Variants in NRDE2 observed in about 807,000 individuals in gnomAD.
The protein encoded by NRDE2 is NRDE-2, necessary for RNA interference, domain containing.
NRDE2 carries 76 observed loss-of-function variants against 124.2 expected under a neutral mutation model. That is an observed-to-expected ratio of 0.61 (90% CI 0.51 to 0.74). NRDE2 has a LOEUF of 0.74. NRDE2 is among the 30% of genes least tolerant of loss of function. The pLI is 0.00. For missense variants in NRDE2, 1,314 were observed against 1,417.3 expected, an observed-to-expected ratio of 0.93 and a Z score of 1.17; for synonymous variants, 489 against 528.1, an observed-to-expected ratio of 0.93 and a Z score of 1.01.
chr14:90,315,510 A>T (rs1749689936), intron 3 of NRDE2, among the ~76,000 whole-genome samples: 1 of 152,190 alleles, frequency 6.6e-6, no homozygotes, highest in Admixed American at 6.5e-5. Context: ...TAAATGAGCA[A>T]TAATTCAGGT....
At chr14:90,295,084 C>G (rs952983392) in intron 8 of NRDE2, among the ~76,000 whole-genome samples, 2 of 152,118 alleles carry the variant, frequency 1.3e-5, no homozygotes, top group Non-Finnish European at 2.9e-5. Flanking sequence ...TAGAAACACA[C>G]ACACCAATGA....
In NRDE2 at chr14:90,288,392, G is replaced by T. The variant is rs751606683; in HGVS notation, c.2983C>A (p.Pro995Thr). Residue 995 changes from proline to threonine, a missense_variant, in exon 11 of 14, where the codon CCA becomes ACA. Pro to Thr is a conservative substitution (Grantham distance 38). Coordinates refer to ENST00000354366, the MANE Select transcript of NRDE2 (RefSeq NM_017970.4). ...EALSQALKLY[P>T]GNQVLWRSYV... ...GACCTCCAAAGAACCTGGTTGCCTG[G>T]ATACAACTTTAAAGCCTGTGAGAGT... is the stretch of plus-strand genomic sequence containing the variant. 6.8e-6 allele frequency: 11 copies of T among 1,614,142 alleles called. 1 individual carries two copies. The South Asian group carries it at 1.1e-4, about 16-fold the overall frequency.
chr14:90,317,866 T>C (rs756491127), intron 2 of NRDE2, 139 bp downstream of exon 2: 63 of 562,996 alleles, frequency 1.1e-4, no homozygotes, highest in Non-Finnish European at 1.9e-4. Flanking sequence ...TAAGGGAAAA[T>C]AGTCAAAGAT....
chr14:90,315,856 C>T (rs1465764826), intron 3 of NRDE2, among the ~76,000 whole-genome samples: 1 of 149,126 alleles, frequency 6.7e-6, no homozygotes, highest in Non-Finnish European at 1.5e-5. Flanking sequence ...ACTCGGGAGG[C>T]TGAGGCAGGA....
chr14:90,316,042 A>G (rs150888908), intron 3 of NRDE2, among the ~76,000 whole-genome samples: 8 of 152,010 alleles, frequency 5.3e-5, no homozygotes, highest in African/African-American at 1.9e-4. Flanking sequence ...CACTGTAATC[A>G]TGAGCTGTTT....
chr14:90,280,495 G>C (rs547958615), intron 12 of NRDE2: 2 of 152,422 alleles, frequency 1.3e-5, no homozygotes, highest in African/African-American at 2.4e-5. Context: ...CTGACAAAAT[G>C]TAACAACCAT....
intron 12 of NRDE2, chr14:90,280,048 C>G (rs1891910794): frequency 6.6e-6 from 1 of 152,324 alleles, no homozygotes; most frequent in South Asian, 2.1e-4. Context: ...ACTCCACTCT[C>G]CAATTTACAT....
chr14:90,311,080 T>C (rs903733712), intron 4 of NRDE2, among the ~76,000 whole-genome samples: 6 of 152,154 alleles, frequency 3.9e-5, no homozygotes, highest in South Asian at 2.1e-4. Context: ...TGAGTGACAA[T>C]AGGATTAAAA....
chr14:90,315,048 A>T, intron 3 of NRDE2, among the ~76,000 whole-genome samples: 1 of 151,866 alleles, frequency 6.6e-6, no homozygotes, highest in East Asian at 1.9e-4. Context: ...GTGGTGGCAC[A>T]TGCCTGTAAT....
At position 90,269,648 on chromosome 14, in the gene NRDE2, A is replaced by G. The variant is rs1891610568; in HGVS notation, c.*8688T>C. 1 of 1,318,892 alleles carries G rather than the reference A, an allele frequency of 7.6e-7. No homozygotes were observed. Among genetic ancestry groups the G allele is most frequent in the Non-Finnish European group, 1.0e-6 (1 of 952,826 alleles). 81.7% of individuals were successfully genotyped at this position (1,318,892 alleles called of 1,614,324 possible). ...TATAAAATGATACATAAAAAAGCAA[A>G]TACTGCAGTGAAACTTAGGATAATT... On this transcript the variant is annotated 3_prime_UTR_variant, in exon 14 of 14. Coordinates refer to ENST00000354366, the MANE Select transcript of NRDE2 (RefSeq NM_017970.4).
intron 8 of NRDE2, among the ~76,000 whole-genome samples, chr14:90,297,146 A>G (rs1285520154): frequency 6.6e-6 from 1 of 151,830 alleles, no homozygotes; most frequent in Non-Finnish European, 1.5e-5. Flanking sequence ...CTCAAAAAAA[A>G]AAAAAAGAAA....
chr14:90,279,150 A>G lies in NRDE2; in HGVS notation c.3298-17T>C. 2.5e-6 allele frequency: 4 copies of G among 1,587,602 alleles called. No individual in the cohort carries two copies. The highest frequency in any genetic ancestry group is 3.5e-6 in the Non-Finnish European group (4 of 1,155,740). ...TAAGGAAACCTGAGGTGAGGGGGAGAAAATACAAACATGATTAGTTGACAC... is the reference window on the plus strand; with the variant it reads ...TAAGGAAACCTGAGGTGAGGGGGAGGAAATACAAACATGATTAGTTGACAC... On this transcript the variant is annotated splice_polypyrimidine_tract_variant and intron_variant, in intron 12 of 13. Transcript: ENST00000354366.
chr14:90,315,859 A>G (rs1885023974), intron 3 of NRDE2, among the ~76,000 whole-genome samples: 1 of 148,366 alleles, frequency 6.7e-6, no homozygotes, highest in Non-Finnish European at 1.5e-5. Flanking sequence ...CGGGAGGCTG[A>G]GGCAGGACAA....
At chr14:90,307,543 T>C (rs535598705) in intron 4 of NRDE2, among the ~76,000 whole-genome samples, 2 of 152,138 alleles carry the variant, frequency 1.3e-5, no homozygotes, top group Non-Finnish European at 2.9e-5. Flanking sequence ...CTGGCCAACA[T>C]GGTGAAACCC....
rs1891684464 is a variant in NRDE2 at position 90,272,113 on chromosome 14, T to G, written c.*6223A>C. ...TTCACCGTGTTGGCCAGGCTGGTCT[T>G]GAACTCCTGACCTTAGGCGATCCAC... On this transcript the variant is annotated 3_prime_UTR_variant, in exon 14 of 14. Coordinates refer to ENST00000354366, the MANE Select transcript of NRDE2 (RefSeq NM_017970.4). This position sits in a 1 kb window ranked among gnomAD's most constrained non-coding sequence, Gnocchi z 4.5. 1.6e-6 allele frequency: 1 copy of G among 623,390 alleles called. No homozygotes were observed. The highest frequency in any genetic ancestry group is 1.9e-5 in the African/African-American group (1 of 51,466). The allele number at this position is 623,390 out of a possible 1,614,324, so 38.6% of individuals were successfully genotyped here.
chr14:90,312,610 AT>A, intron 3 of NRDE2, 67 bp from the exon 4 acceptor site: 1 of 1,520,044 alleles, frequency 6.6e-7, no homozygotes. Flanking sequence ...CGCAGGTGGC[AT>A]TTTCAGCAAT....
At chr14:90,322,839 T>C (rs1334743805) in intron 1 of NRDE2, among the ~76,000 whole-genome samples, 1 of 152,240 alleles carries the variant, frequency 6.6e-6, no homozygotes, top group Non-Finnish European at 1.5e-5. Flanking sequence ...TGCAAAGTCA[T>C]TTTCAACAGT....
chr14:90,269,835 C>T lies in NRDE2; in HGVS notation c.*8501G>A, dbSNP rs895509819. ...GCTGCTTTTTCTGGAAGAAATAATT[C>T]ATGTGATGGTAGGATTTGTCCTTTT... On this transcript the variant is annotated 3_prime_UTR_variant, in exon 14 of 14. Transcript: ENST00000354366. 1.5e-5 allele frequency: 6 copies of T among 397,516 alleles called. No individual in the cohort carries two copies. Among genetic ancestry groups the T allele is most frequent in the Non-Finnish European group, 2.7e-5 (6 of 223,896 alleles). The allele number at this position is 397,516 out of a possible 1,614,324, so 24.6% of individuals were successfully genotyped here. A position where few individuals can be genotyped will look rare whatever the true frequency, so the allele number is the denominator to read the frequency against.
At chr14:90,292,658 C>G (rs764357247) in intron 9 of NRDE2, 39 bp downstream of exon 9, 2 of 1,596,020 alleles carry the variant, frequency 1.3e-6, no homozygotes, top group African/African-American at 1.3e-5. Flanking sequence ...AGGCAGGGAC[C>G]CCCTGGACAG....
Sources: gnomAD v4.1 joint callset for allele counts (sites outside exome capture counted in the v4.1 genomes callset) on GRCh38, gnomAD v4.1.1 for gene constraint, Gnocchi (gnomAD v3.1) non-coding constraint, MANE v1.5 for transcripts, NCBI Gene and HGNC (gene_info 2026-07-23, HGNC 2026-07-21) for gene names.